The following MAP3K13 variants were observed in gnomAD, a reference collection of about 807,000 sequenced individuals.
MAP3K13 encodes the protein leucine zipper-bearing kinase.
In MAP3K13, 52 loss-of-function variants were observed where a neutral mutation model predicts 104.0. The observed-to-expected ratio is 0.50, with a 90% CI of 0.40 to 0.63. MAP3K13 has a LOEUF of 0.63. MAP3K13 is among the 20% of genes least tolerant of loss of function. The probability of loss-of-function intolerance (pLI) is 0.00; values close to 1 mark genes in which losing one functional copy is unlikely to be tolerated. For missense variants in MAP3K13, 914 were observed against 1,218.5 expected, an observed-to-expected ratio of 0.75 and a Z score of 3.72; for synonymous variants, 394 against 442.2, an observed-to-expected ratio of 0.89 and a Z score of 1.37.
At chr3:185,456,489 T>A (rs1716753511) in intron 7 of MAP3K13, among the ~76,000 whole-genome samples, 1 of 151,902 alleles carries the variant, frequency 6.6e-6, no homozygotes, top group Non-Finnish European at 1.5e-5. Context: ...CTTCTGTTAG[T>A]AATCAGAAAA....
At chr3:185,304,376 C>G (rs891821962) in intron 2 of MAP3K13, among the ~76,000 whole-genome samples, 2 of 152,138 alleles carry the variant, frequency 1.3e-5, no homozygotes, top group Non-Finnish European at 2.9e-5. Flanking sequence ...TATTGATTAT[C>G]TGCCTGGTTG....
At chr3:185,370,189 T>C (rs1306299809) in intron 1 of MAP3K13, among the ~76,000 whole-genome samples, 6 of 152,124 alleles carry the variant, frequency 3.9e-5, no homozygotes, top group African/African-American at 9.7e-5. Flanking sequence ...TCTTTCATAG[T>C]ATTTTTTGTT....
chr3:185,283,905 T>C (rs1162931401), intron 1 of MAP3K13, among the ~76,000 whole-genome samples: 1 of 148,254 alleles, frequency 6.7e-6, no homozygotes, highest in Non-Finnish European at 1.5e-5. Flanking sequence ...TTTCTTTTTT[T>C]TTTTTTTTTT....
chr3:185,356,637 G>T (rs1389337042), intron 2 of MAP3K13, among the ~76,000 whole-genome samples: 1 of 152,200 alleles, frequency 6.6e-6, no homozygotes, highest in Non-Finnish European at 1.5e-5. Flanking sequence ...GCCAATAGTT[G>T]TCAAACATCC....
At chr3:185,348,668 C>G (rs1231302834) in intron 2 of MAP3K13, among the ~76,000 whole-genome samples, 1 of 152,146 alleles carries the variant, frequency 6.6e-6, no homozygotes, top group Non-Finnish European at 1.5e-5. Flanking sequence ...CTTGTAATCC[C>G]AGCACTTTGG....
At chr3:185,303,938 T>C (rs1327317684) in intron 2 of MAP3K13, among the ~76,000 whole-genome samples, 1 of 152,182 alleles carries the variant, frequency 6.6e-6, no homozygotes, top group African/African-American at 2.4e-5. Context: ...CTTTCTTCTT[T>C]TTTATTGTGT....
At chr3:185,456,555 T>A (rs1716757951) in intron 7 of MAP3K13, among the ~76,000 whole-genome samples, 1 of 151,690 alleles carries the variant, frequency 6.6e-6, no homozygotes, top group Non-Finnish European at 1.5e-5. Flanking sequence ...AGGAAATCTT[T>A]CGAACTTTAA....
intron 2 of MAP3K13, among the ~76,000 whole-genome samples, chr3:185,320,200 C>A (rs570940858): frequency 6.6e-6 from 1 of 152,048 alleles, no homozygotes; most frequent in African/African-American, 2.4e-5. Flanking sequence ...CCTGCCTCAG[C>A]CTCCCAAGTA....
Position 185,480,410 on chromosome 3 carries a change from G to C in MAP3K13, c.2680G>C (p.Glu894Gln), listed in dbSNP as rs1487031654. ...AGACGACCTGCTGTCCCAGACGCCA[G>C]AGATTCCCATTGACATATCCTCACA... ...KLDDLLSQTPEIPIDISSHSD... is the reference protein window; with the variant it reads ...KLDDLLSQTPQIPIDISSHSD... Residue 894 changes from glutamate (E) to glutamine (Q), a missense_variant, in exon 13 of 14, where the codon GAG becomes CAG. This residue lies in a region of MAP3K13 where 583 missense variants were observed against 737.4 expected (regional missense o/e 0.79). Transcript: ENST00000265026. 1 of 1,614,214 alleles carries C rather than the reference G, an allele frequency of 6.2e-7. No homozygotes were observed. The highest frequency in any genetic ancestry group is 1.7e-5 in the Admixed American group (1 of 60,020).
At chr3:185,434,253 T>C (rs570103873) in intron 2 of MAP3K13, among the ~76,000 whole-genome samples, 112 of 152,322 alleles carry the variant, frequency 7.4e-4, no homozygotes, top group Non-Finnish European at 9.0e-4. Context: ...GGAAGGCTAA[T>C]AGATAAATGA....
rs1577534119 is a variant in MAP3K13 at position 185,418,646 on chromosome 3, G to A, written c.-85-9851G>A. 2 of 1,611,608 alleles carry A rather than the reference G, an allele frequency of 1.2e-6. No homozygotes were observed. Among genetic ancestry groups the A allele is most frequent in the East Asian group, 2.2e-5 (1 of 44,874 alleles). ...GCGTAGGGCTGTCTGTTGTTTTTGC[G>A]CAAGTTGGTGTGAACAAAGTTCACA... On this transcript the variant is annotated intron_variant, in intron 1 of 13. Transcript: ENST00000265026. The surrounding 1 kb of genome is among the most constrained non-coding windows in gnomAD (Gnocchi z 4.5).
At chr3:185,421,390 GT>G (rs1371402886) in intron 1 of MAP3K13, among the ~76,000 whole-genome samples, 1 of 151,960 alleles carries the variant, frequency 6.6e-6, no homozygotes, top group African/African-American at 2.4e-5. Context: ...TAGAGATGGG[GT>G]TTCACCATGT....
intron 1 of MAP3K13, among the ~76,000 whole-genome samples, chr3:185,366,628 C>CT (rs754865986): frequency 6.6e-6 from 1 of 152,176 alleles, no homozygotes; most frequent in Non-Finnish European, 1.5e-5. Flanking sequence ...TTAGAACCAT[C>CT]TTAACAAGTT....
At chr3:185,336,403 A>G (rs1722502000) in intron 2 of MAP3K13, among the ~76,000 whole-genome samples, 1 of 151,840 alleles carries the variant, frequency 6.6e-6, no homozygotes, top group Non-Finnish European at 1.5e-5. Context: ...TTAGCTGGGC[A>G]TGGTGGCACA....
intron 2 of MAP3K13, among the ~76,000 whole-genome samples, chr3:185,304,862 GA>G (rs1345004453): frequency 6.6e-6 from 1 of 152,128 alleles, no homozygotes; most frequent in Non-Finnish European, 1.5e-5. Flanking sequence ...TCAATCTCTT[GA>G]CTTTGTGATC....
intron 2 of MAP3K13, among the ~76,000 whole-genome samples, chr3:185,340,300 C>A (rs1167549162): frequency 6.6e-6 from 1 of 152,126 alleles, no homozygotes; most frequent in Admixed American, 6.5e-5. Flanking sequence ...TGGGGTACTT[C>A]CCTGTATCCA....
intron 2 of MAP3K13, among the ~76,000 whole-genome samples, chr3:185,348,316 T>C (rs1275944916): frequency 6.6e-6 from 1 of 152,152 alleles, no homozygotes; most frequent in African/African-American, 2.4e-5. Context: ...GAGCCTCGAG[T>C]AATTTAATGA....
upstream of MAP3K13, among the ~76,000 whole-genome samples, chr3:185,361,146 A>G (rs916751893): frequency 1.3e-5 from 2 of 151,138 alleles, no homozygotes; most frequent in African/African-American, 4.9e-5. Flanking sequence ...ATACATATAC[A>G]TATATACAGA....
chr3:185,482,273 G>A lies in MAP3K13; in HGVS notation c.2800-82G>A. On this transcript the variant is annotated intron_variant, in intron 13 of 13. Coordinates refer to ENST00000265026, the MANE Select transcript of MAP3K13 (RefSeq NM_004721.5). This position sits in a 1 kb window ranked among gnomAD's most constrained non-coding sequence, Gnocchi z 4.5. ...CTTTGTAGCCCCCTTACCAAGCACA[G>A]TGCCTGTTGTGTGGGAGGTGTTTGA... The A allele has an allele frequency of 1.0e-6, 1 of 981,060 alleles. No homozygotes were observed. The highest frequency in any genetic ancestry group is 1.6e-6 in the Non-Finnish European group (1 of 610,294). The allele number at this position is 981,060 out of a possible 1,614,324, so 60.8% of individuals were successfully genotyped here.
Sources: gnomAD v4.1 joint callset for allele counts (sites outside exome capture counted in the v4.1 genomes callset) on GRCh38, gnomAD v4.1.1 for gene constraint, gnomAD v4.1.1 regional missense constraint, Gnocchi (gnomAD v3.1) non-coding constraint, MANE v1.5 for transcripts, NCBI Gene and HGNC (gene_info 2026-07-23, HGNC 2026-07-21) for gene names.